The following KLRG1 variants were observed in gnomAD, a reference collection of about 807,000 sequenced individuals.
KLRG1 encodes killer cell lectin-like receptor subfamily G member 1.
Under a neutral mutation model 21.8 loss-of-function variants are expected in KLRG1, and 16 were observed. The observed-to-expected ratio is 0.73, with a 90% CI of 0.50 to 1.11. The LOEUF is 1.11. Among genes scored for constraint, KLRG1 ranks in the 50% most tolerant of loss-of-function variants. The pLI is 0.00. For synonymous variants in KLRG1, 69 were observed against 75.9 expected (o/e 0.91, Z 0.47); for missense variants, 173 against 218.3 (o/e 0.79, Z 1.31).
the KLRG1 span, among the ~76,000 whole-genome samples, chr12:9,191,764 G>A: frequency 3.9e-5 from 6 of 152,008 alleles, no homozygotes; most frequent in Admixed American, 6.5e-5. Flanking sequence ...ATCCAATTTC[G>A]TATATAAAGT....
chr12:8,976,882 G>A (rs1946664821), intron 1 of KLRG1, among the ~76,000 whole-genome samples: 1 of 151,910 alleles, frequency 6.6e-6, no homozygotes, highest in Non-Finnish European at 1.5e-5. Context: ...AAGTAGCTGG[G>A]ATTGTAGACA....
At chr12:9,156,154 C>A in the KLRG1 span, 1 of 214,532 alleles carries the variant, frequency 4.7e-6, no homozygotes, top group South Asian at 8.6e-5. Flanking sequence ...GATTTTATGT[C>A]AGCTTTGATG....
At chr12:8,995,474 C>G (rs1212795797) in intron 3 of KLRG1, among the ~76,000 whole-genome samples, 186 bp downstream of exon 3, 1 of 152,110 alleles carries the variant, frequency 6.6e-6, no homozygotes, top group African/African-American at 2.4e-5. Flanking sequence ...CTTCTTCCCT[C>G]TCCCTCCCCA....
At chr12:9,199,168 C>T in the KLRG1 span, among the ~76,000 whole-genome samples, 4 of 152,244 alleles carry the variant, frequency 2.6e-5, no homozygotes, top group South Asian at 2.1e-4. Flanking sequence ...TCATCACTGC[C>T]GATTCTGAGT....
intron 3 of KLRG1, among the ~76,000 whole-genome samples, chr12:9,008,457 A>G (rs1226989303): frequency 6.6e-6 from 1 of 152,226 alleles, no homozygotes; most frequent in Non-Finnish European, 1.5e-5. Flanking sequence ...TAAATGAGAA[A>G]TTAGTTATTT....
At chr12:9,097,632 C>CTT in the KLRG1 span, among the ~76,000 whole-genome samples, 9 of 127,114 alleles carry the variant, frequency 7.1e-5, no homozygotes, top group African/African-American at 8.8e-5. Context: ...TGATGTAATT[C>CTT]TTTTTTTTTT....
the KLRG1 span, among the ~76,000 whole-genome samples, chr12:9,184,097 A>G: frequency 6.6e-6 from 1 of 152,240 alleles, no homozygotes; most frequent in South Asian, 2.1e-4. Flanking sequence ...GAATAGTGGT[A>G]GGAAATTAAA....
the KLRG1 span, chr12:9,104,321 G>A: frequency 6.2e-7 from 1 of 1,611,890 alleles, no homozygotes; most frequent in East Asian, 2.2e-5. Flanking sequence ...GGTAGCATTG[G>A]AGTAATAGTT....
the KLRG1 span, among the ~76,000 whole-genome samples, chr12:9,120,807 A>G: frequency 2.0e-5 from 3 of 151,376 alleles, no homozygotes; most frequent in Non-Finnish European, 2.9e-5. Flanking sequence ...AGATGTACTC[A>G]GTGATCAAAG....
At chr12:9,210,793 CATGTTTAT>C in the KLRG1 span, among the ~76,000 whole-genome samples, 1 of 152,088 alleles carries the variant, frequency 6.6e-6, no homozygotes, top group Non-Finnish European at 1.5e-5. Flanking sequence ...AACATCCTCC[CATGTTTAT>C]ATGTTTATAT....
the KLRG1 span, among the ~76,000 whole-genome samples, chr12:9,206,476 T>G: frequency 2.5e-3 from 375 of 152,344 alleles, 2 homozygotes; most frequent in African/African-American, 8.4e-3. Flanking sequence ...AATATATGTT[T>G]ACTCAATCAT....
chr12:9,158,892 C>A, the KLRG1 span, among the ~76,000 whole-genome samples: 1 of 151,570 alleles, frequency 6.6e-6, no homozygotes, highest in African/African-American at 2.4e-5. Context: ...AAGTCATTTG[C>A]TTTTACACTG....
At chr12:9,110,165 G>T in the KLRG1 span, 1 of 1,153,586 alleles carries the variant, frequency 8.7e-7, no homozygotes, top group Non-Finnish European at 1.2e-6. Flanking sequence ...GAGTAGAGGA[G>T]ATGAGTTATA....
chr12:9,149,594 C>T, the KLRG1 span: 1 of 1,612,896 alleles, frequency 6.2e-7, no homozygotes, highest in Admixed American at 1.7e-5. Flanking sequence ...TCAGCAACCA[C>T]AGACTCATCT....
chr12:9,003,795 T>TTTATTTA (rs1947378331), intron 3 of KLRG1, among the ~76,000 whole-genome samples: 1 of 152,128 alleles, frequency 6.6e-6, no homozygotes, highest in Non-Finnish European at 1.5e-5. Context: ...GCTGGCGTGC[T>TTTATTTA]GCACCCATTA....
chr12:9,007,171 T>A lies in KLRG1; in HGVS notation c.358-1804T>A, dbSNP rs186339557. Among the ~76,000 whole-genome samples, 213 of 152,296 alleles carry A rather than the reference T, an allele frequency of 1.4e-3. 4 individuals are homozygous for A. The highest frequency in any genetic ancestry group is 5.3e-4 in the Non-Finnish European group (36 of 68,006). ...AACCCAGTGAAGAGAAAATAGAGGTTATTCTGACCATGAGAAATAGCACAA... is the reference window on the plus strand; with the variant it reads ...AACCCAGTGAAGAGAAAATAGAGGTAATTCTGACCATGAGAAATAGCACAA... On this transcript the variant is annotated intron_variant, in intron 3 of 4. Coordinates refer to ENST00000356986, the MANE Select transcript of KLRG1 (RefSeq NM_005810.4).
the KLRG1 span, among the ~76,000 whole-genome samples, chr12:9,118,534 A>G: frequency 6.6e-6 from 1 of 152,232 alleles, no homozygotes; most frequent in Admixed American, 6.5e-5. Context: ...TTGAGTCATC[A>G]AAAGTCTACG....
the KLRG1 span, chr12:9,072,331 A>G: frequency 1.1e-5 from 17 of 1,611,530 alleles, no homozygotes; most frequent in Admixed American, 2.9e-4. Context: ...TATTCTTAGG[A>G]TTAGGTGATA....
the KLRG1 span, chr12:9,089,210 A>G: frequency 6.3e-7 from 1 of 1,588,980 alleles, no homozygotes; most frequent in Non-Finnish European, 8.6e-7. Context: ...CTGATGGACA[A>G]AGTAGGGAGT....
Sources: allele counts gnomAD v4.1 joint callset (sites outside exome capture counted in the v4.1 genomes callset), GRCh38; gene constraint gnomAD v4.1.1; transcripts MANE v1.5; gene names NCBI Gene and HGNC (gene_info 2026-07-23, HGNC 2026-07-21).